Variants in EML4 observed in about 807,000 individuals in gnomAD.
EML4 encodes the protein EMAP like 4, also known as echinoderm microtubule-associated protein-like 4.
Under a neutral mutation model 129.0 loss-of-function variants are expected in EML4, and 72 were observed. That is an observed-to-expected ratio of 0.56 (90% confidence interval 0.46 to 0.68). EML4 has a LOEUF of 0.68. Among genes scored for constraint, EML4 ranks in the 30% least tolerant of loss-of-function variants. The pLI, the probability that EML4 is intolerant of heterozygous loss-of-function variation, is 0.00. For synonymous variants in EML4, 532 were observed against 405.0 expected (o/e 1.31, Z -3.77); for missense variants, 1,363 against 1,190.6 (o/e 1.14, Z -2.13).
chr2:42,213,295 C>T (rs1282472635), intron 1 of EML4, among the ~76,000 whole-genome samples: 1 of 152,176 alleles, frequency 6.6e-6, no homozygotes, highest in African/African-American at 2.4e-5. Flanking sequence ...ACTCTCTTGA[C>T]TTCTAACACC....
intron 1 of EML4, among the ~76,000 whole-genome samples, chr2:42,206,774 A>G (rs1177090893): frequency 6.6e-6 from 1 of 152,220 alleles, no homozygotes; most frequent in Non-Finnish European, 1.5e-5. Flanking sequence ...TTTGGTAAAT[A>G]GTAAAATTTA....
At chr2:42,245,405 C>T (rs1306463151) in intron 1 of EML4, 100 bp from the exon 2 acceptor site, 14 of 1,189,434 alleles carry the variant, frequency 1.2e-5, no homozygotes, top group Non-Finnish European at 1.5e-5. Flanking sequence ...CAGAATTTTT[C>T]TCATCTTTTG....
chr2:42,250,439 T>A (rs1344106418), intron 2 of EML4, among the ~76,000 whole-genome samples: 1 of 152,170 alleles, frequency 6.6e-6, no homozygotes, highest in Non-Finnish European at 1.5e-5. Context: ...CTTAGGAAGG[T>A]ATGAATTGCC....
intron 1 of EML4, among the ~76,000 whole-genome samples, chr2:42,222,964 A>C (rs1438715593): frequency 6.6e-6 from 1 of 151,822 alleles, no homozygotes; most frequent in East Asian, 1.9e-4. Flanking sequence ...ACACCCGGTT[A>C]ATTTTTTTGT....
intron 1 of EML4, among the ~76,000 whole-genome samples, chr2:42,181,563 T>C (rs1409050888): frequency 1.3e-5 from 2 of 152,212 alleles, no homozygotes; most frequent in Non-Finnish European, 1.5e-5. Context: ...CCCAAAGTGC[T>C]GGGATTACAG....
At chr2:42,315,140 C>T (rs1423746370) in intron 17 of EML4, among the ~76,000 whole-genome samples, 1 of 152,192 alleles carries the variant, frequency 6.6e-6, no homozygotes, top group African/African-American at 2.4e-5. Context: ...CTTAGCTATA[C>T]AGCTGCTGTT....
chr2:42,288,959 T>C (rs1377406982), intron 11 of EML4: 1 of 152,218 alleles, frequency 6.6e-6, no homozygotes, highest in Non-Finnish European at 1.5e-5. Context: ...ATAGAATGGC[T>C]TTAAAAAGTC....
intron 1 of EML4, among the ~76,000 whole-genome samples, chr2:42,188,104 A>G (rs1671368420): frequency 6.6e-6 from 1 of 152,170 alleles, no homozygotes; most frequent in African/African-American, 2.4e-5. Flanking sequence ...TTTCCATTGA[A>G]TTACCTTGGC....
intron 1 of EML4, among the ~76,000 whole-genome samples, chr2:42,189,497 A>C (rs1291410988): frequency 6.6e-6 from 1 of 152,234 alleles, no homozygotes; most frequent in Non-Finnish European, 1.5e-5. Context: ...AGAGGATTGC[A>C]TGAGACCAGG....
At chr2:42,254,383 G>A (rs974227316) in intron 2 of EML4, among the ~76,000 whole-genome samples, 2 of 151,768 alleles carry the variant, frequency 1.3e-5, no homozygotes, top group Non-Finnish European at 2.9e-5. Flanking sequence ...ATTGAGCCCC[G>A]GGAGGCCGTG....
At chr2:42,288,678 A>G (rs1384594516) in intron 11 of EML4, 1 of 155,684 alleles carries the variant, frequency 6.4e-6, no homozygotes, top group East Asian at 1.9e-4. Context: ...AGAAATCTAG[A>G]GGAAAAATTC....
At chr2:42,208,868 T>C (rs1418140602) in intron 1 of EML4, among the ~76,000 whole-genome samples, 1 of 151,716 alleles carries the variant, frequency 6.6e-6, no homozygotes, top group Non-Finnish European at 1.5e-5. Flanking sequence ...GAAATGGACA[T>C]CCTTGTAACC....
chr2:42,284,761 C>A, intron 9 of EML4, 58 bp downstream of exon 9: 1 of 1,298,088 alleles, frequency 7.7e-7, no homozygotes, highest in South Asian at 1.5e-5. Flanking sequence ...AGAGTGGAAT[C>A]TATTGTAATT....
chr2:42,261,516 C>CT (rs1665736312), intron 4 of EML4: 2 of 306,500 alleles, frequency 6.5e-6, no homozygotes, highest in Non-Finnish European at 1.1e-5. Context: ...AAAAAAAAAA[C>CT]TAAGTTATAA....
intron 1 of EML4, among the ~76,000 whole-genome samples, chr2:42,216,263 G>C (rs1673183270): frequency 1.5e-5 from 1 of 65,658 alleles, no homozygotes; most frequent in Non-Finnish European, 2.5e-5. Context: ...TTTTTTTTGA[G>C]ATGGTGTCTT....
intron 9 of EML4, 150 bp downstream of exon 9, chr2:42,284,853 A>T (rs968553091): frequency 3.7e-5 from 19 of 509,722 alleles, no homozygotes; most frequent in Non-Finnish European, 5.4e-5. Context: ...AAACATTAGG[A>T]TATAAGAACA....
intron 1 of EML4, among the ~76,000 whole-genome samples, chr2:42,179,791 G>A (rs1197710171): frequency 5.3e-5 from 8 of 151,984 alleles, no homozygotes; most frequent in African/African-American, 9.7e-5. Flanking sequence ...TAGTAGAGAT[G>A]GAGTTTCACT....
intron 2 of EML4, among the ~76,000 whole-genome samples, chr2:42,246,015 G>C (rs549746307): frequency 6.6e-6 from 1 of 152,260 alleles, no homozygotes; most frequent in South Asian, 2.1e-4. Context: ...ATTGAACATA[G>C]GTGGTAGGCA....
intron 1 of EML4, among the ~76,000 whole-genome samples, chr2:42,219,180 G>A (rs928166574): frequency 1.3e-5 from 2 of 152,204 alleles, no homozygotes; most frequent in Non-Finnish European, 2.9e-5. Context: ...ATAAGGAAGA[G>A]CCCCCTTCAT....
Sources: gnomAD v4.1 joint callset for allele counts (sites outside exome capture counted in the v4.1 genomes callset) on GRCh38, gnomAD v4.1.1 for gene constraint, MANE v1.5 for transcripts, NCBI Gene and HGNC (gene_info 2026-07-23, HGNC 2026-07-21) for gene names.